The following HIF3A variants were observed in gnomAD, a reference collection of about 807,000 sequenced individuals.
HIF3A encodes hypoxia-inducible factor 3-alpha.
In HIF3A, 41 loss-of-function variants were observed where a neutral mutation model predicts 67.2. The observed-to-expected ratio is 0.61, with a 90% CI of 0.48 to 0.79. The LOEUF is 0.79. Ranked by LOEUF, HIF3A falls within the 30% of genes least tolerant of loss-of-function variation. The pLI, the probability that HIF3A is intolerant of heterozygous loss-of-function variation, is 0.00. For synonymous variants in HIF3A, 356 were observed against 374.8 expected (o/e 0.95, Z 0.58); for missense variants, 855 against 898.0 (o/e 0.95, Z 0.61).
At chr19:46,309,870 T>C (rs766965936) in intron 6 of HIF3A, among the ~76,000 whole-genome samples, 3 of 152,016 alleles carry the variant, frequency 2.0e-5, no homozygotes, top group African/African-American at 4.8e-5. Flanking sequence ...GAGAATTGCT[T>C]GAGACCAGGA....
chr19:46,302,305 T>C lies in HIF3A; in HGVS notation c.27-1593T>C, dbSNP rs1968408618. On this transcript the variant is annotated intron_variant, in intron 1 of 14. Transcript: ENST00000377670. ...ACCACCACGCCCAGCTAATTTTTTG[T>C]ATTTTTAGTAGAGACAGGGTTTCAC... 2.6e-5 allele frequency among the ~76,000 whole-genome samples: 4 copies of C among 152,272 alleles called. No homozygotes were observed. In the South Asian group the frequency reaches 6.2e-4, roughly 24 times the overall value.
intron 3 of HIF3A, among the ~76,000 whole-genome samples, chr19:46,305,728 G>A (rs1343518530): frequency 1.3e-5 from 2 of 152,104 alleles, no homozygotes; most frequent in African/African-American, 4.8e-5. Flanking sequence ...ACATGGTAGA[G>A]GGAACAGAGG....
chr19:46,319,994 CTGAGG>C (rs1970233387), intron 8 of HIF3A, among the ~76,000 whole-genome samples: 1 of 152,174 alleles, frequency 6.6e-6, no homozygotes, highest in East Asian at 1.9e-4. Flanking sequence ...CTTTGGGAGG[CTGAGG>C]CAGGTGGATC....
At chr19:46,335,042 C>A in intron 14 of HIF3A, 56 bp downstream of exon 14, 1 of 1,419,232 alleles carries the variant, frequency 7.0e-7, no homozygotes, top group Non-Finnish European at 9.8e-7. Context: ...CCGGGAGGTG[C>A]GAGAGGGATG....
rs1971877663 is a variant in HIF3A, at chr19:46,339,991, G to A, written c.*369G>A. ...GGGGGGGTCATATCTGTGTTTCCAG[G>A]TTCTGGGGAGAACAATGATCCACGG... On this transcript the variant is annotated 3_prime_UTR_variant, in exon 15 of 15. Transcript: ENST00000377670. The A allele has an allele frequency of 4.6e-6, 1 of 216,664 alleles. No homozygotes were observed. Among genetic ancestry groups the A allele is most frequent in the Non-Finnish European group, 9.0e-6 (1 of 110,844 alleles). 13.4% of individuals were successfully genotyped at this position (216,664 alleles called of 1,614,324 possible). A position where few individuals can be genotyped will look rare whatever the true frequency, so the allele number is the denominator to read the frequency against.
At chr19:46,333,337 C>A (rs1971372752) in intron 13 of HIF3A, among the ~76,000 whole-genome samples, 1 of 150,580 alleles carries the variant, frequency 6.6e-6, no homozygotes, top group African/African-American at 2.4e-5. Context: ...TGGTGCAGTA[C>A]CTTGGGGCAC....
rs571005659 is a variant in HIF3A at position 46,297,211 on chromosome 19, G to A, written c.26+109G>A. The A allele has an allele frequency of 7.8e-6, 5 of 638,748 alleles. No individual in the cohort carries two copies. The South Asian group carries it at 2.9e-4, about 36-fold the overall frequency. The allele number at this position is 638,748 out of a possible 1,614,324, so 39.6% of individuals were successfully genotyped here. On this transcript the variant is annotated intron_variant, in intron 1 of 14. Transcript: ENST00000377670. This position sits in a 1 kb window ranked among gnomAD's most constrained non-coding sequence, Gnocchi z 4.5. ...GGGTTCGCGGGTGCGAGCCAAGAAC[G>A]CCCCGGGGCGCGCAGTTGGAGGCAC... is the stretch of plus-strand genomic sequence containing the variant.
In HIF3A at chr19:46,312,665, G is replaced by A; in HGVS notation, c.1025+12G>A. On this transcript the variant is annotated intron_variant, in intron 8 of 14. Transcript: ENST00000377670. The stretch of plus-strand genomic sequence containing the variant: ...CATTTTTTAATCAGGTAAGCAGGAG[G>A]AGGGGCTGGGGTGGCTGTGTGTGGG... 6.5e-7 allele frequency: 1 copy of A among 1,547,076 alleles called. No individual in the cohort carries two copies. Among genetic ancestry groups the A allele is most frequent in the Non-Finnish European group, 8.7e-7 (1 of 1,145,296 alleles).
At position 46,321,839 on chromosome 19, in the gene HIF3A, C is replaced by T; in HGVS notation, c.1208C>T (p.Ala403Val). ...CCTTCCCTGAGCGAGGCTGCCCTGG[C>T]CGCTGACCCCCGCCGTTTCTGCAGC... ...HPPSLSEAAL[A>V]ADPRRFCSPD... The change falls in exon 10 of 15, where the codon GCC (alanine) becomes GTC (valine). Residue 403 changes from alanine (A) to valine (V), a missense_variant. Around this residue, in one of 3 missense-constraint regions of HIF3A, gnomAD observed 638 missense variants for 660.5 expected, o/e 0.97. Coordinates refer to ENST00000377670, the MANE Select transcript of HIF3A (RefSeq NM_152795.4). 6.2e-7 allele frequency: 1 copy of T among 1,613,898 alleles called. No individual in the cohort carries two copies.
chr19:46,334,841 T>G (rs2147310204), intron 13 of HIF3A, 64 bp from the exon 14 acceptor site: 1 of 1,385,132 alleles, frequency 7.2e-7, no homozygotes, highest in Non-Finnish European at 1.0e-6. Flanking sequence ...CAGTCACCAC[T>G]CCCGGCTGTT....
At chr19:46,316,879 TA>T (rs1969960355) in intron 8 of HIF3A, among the ~76,000 whole-genome samples, 1 of 152,154 alleles carries the variant, frequency 6.6e-6, no homozygotes. Context: ...ACCAGTTTTC[TA>T]AAGCCTTAGG....
At chr19:46,334,381 C>A (rs1335336616) in intron 13 of HIF3A, among the ~76,000 whole-genome samples, 6 of 152,114 alleles carry the variant, frequency 3.9e-5, no homozygotes. Flanking sequence ...CGTGAGCCGC[C>A]ATGCCCAGCT....
intron 2 of HIF3A, 107 bp downstream of exon 2, chr19:46,304,195 C>T: frequency 2.0e-6 from 2 of 1,000,638 alleles, no homozygotes; most frequent in Non-Finnish European, 2.8e-6. Flanking sequence ...TGACAAAGCC[C>T]CGCCCCCTGG....
At chr19:46,328,965 C>T (rs1568539630) in intron 11 of HIF3A, 2 of 392,558 alleles carry the variant, frequency 5.1e-6, no homozygotes, top group Non-Finnish European at 9.1e-6. Flanking sequence ...TCAAGTGATG[C>T]TCCCGACTCA....
chr19:46,318,826 G>A (rs1231072024), intron 8 of HIF3A, among the ~76,000 whole-genome samples: 1 of 151,972 alleles, frequency 6.6e-6, no homozygotes, highest in African/African-American at 2.4e-5. Flanking sequence ...TCACCATGTG[G>A]GCCAGGCTGA....
intron 8 of HIF3A, chr19:46,313,207 C>A: frequency 1.4e-6 from 1 of 734,282 alleles, no homozygotes; most frequent in Non-Finnish European, 1.7e-6. Context: ...GCCGAGATTG[C>A]GTCAGTGCAC....
At chr19:46,310,281 G>C (rs1969316675) in intron 6 of HIF3A, among the ~76,000 whole-genome samples, 1 of 152,034 alleles carries the variant, frequency 6.6e-6, no homozygotes, top group Non-Finnish European at 1.5e-5. Flanking sequence ...TTTAGTCCCA[G>C]CTACGCAGGA....
chr19:46,305,381 C>T lies in HIF3A; in HGVS notation c.354C>T (p.Gly118=), dbSNP rs756887062. Residue 118 remains glycine (G), a synonymous_variant, in exon 3 of 15, where the codon GGC becomes GGT. Coordinates refer to ENST00000377670, the MANE Select transcript of HIF3A (RefSeq NM_152795.4). ...CGGAGAATGTCAGCAAACACCTGGGCCTCAGTCAGGTGAGAGGAGCTCCTT... is the reference window on the plus strand; with the variant it reads ...CGGAGAATGTCAGCAAACACCTGGGTCTCAGTCAGGTGAGAGGAGCTCCTT... ...YLSENVSKHL[G]LSQLELIGHS... The T allele has an allele frequency of 6.2e-7, 1 of 1,613,874 alleles. No homozygotes were observed. Among genetic ancestry groups the T allele is most frequent in the South Asian group, 1.1e-5 (1 of 91,074 alleles).
In HIF3A at chr19:46,320,549, G is replaced by A. The variant is rs374629037; in HGVS notation, c.1132G>A (p.Gly378Arg). The part of the protein sequence containing the change: ...APSQKDTPNP[G>R]DSLDTPGPRI... ...CTCTCAGAAGGACACCCCTAACCCT[G>A]GGGACAGCCTTGGTATGGGGCAGGG... Residue 378 changes from glycine (G) to arginine (R), a missense_variant, in exon 9 of 15, where the codon GGG (glycine) becomes AGG (arginine). Around this residue, in one of 3 missense-constraint regions of HIF3A, gnomAD observed 638 missense variants for 660.5 expected, o/e 0.97. Coordinates refer to ENST00000377670, the MANE Select transcript of HIF3A (RefSeq NM_152795.4). The A allele has an allele frequency of 3.1e-6, 5 of 1,613,494 alleles. No homozygotes were observed. In the African/African-American group the frequency reaches 6.7e-5, roughly 22 times the overall value.
Sources: gnomAD v4.1 joint callset for allele counts (sites outside exome capture counted in the v4.1 genomes callset) on GRCh38, gnomAD v4.1.1 for gene constraint, gnomAD v4.1.1 regional missense constraint, Gnocchi (gnomAD v3.1) non-coding constraint, MANE v1.5 for transcripts, NCBI Gene and HGNC (gene_info 2026-07-23, HGNC 2026-07-21) for gene names.